The following SYNGR1 variants were observed in gnomAD, a reference collection of about 807,000 sequenced individuals.
The protein encoded by SYNGR1 is synaptogyrin-1.
A neutral mutation model predicts 26.1 loss-of-function variants in SYNGR1; 14 were observed. The ratio of observed to expected loss-of-function variants is 0.54; its 90% CI spans 0.35 to 0.84. The LOEUF is 0.84. Among genes scored for constraint, SYNGR1 ranks in the 40% least tolerant of loss-of-function variants. SYNGR1 has a pLI of 0.01. For missense variants in SYNGR1, 319 were observed against 332.9 expected (o/e 0.96, Z 0.33); for synonymous variants, 141 against 150.1 (o/e 0.94, Z 0.44).
chr22:39,385,290 G>A lies in SYNGR1; in HGVS notation c.*3376G>A, dbSNP rs1423105521. On this transcript the variant is annotated 3_prime_UTR_variant, in exon 4 of 4. Coordinates refer to ENST00000328933, the MANE Select transcript of SYNGR1 (RefSeq NM_004711.5). The stretch of plus-strand genomic sequence containing the variant: ...CCTTGTCGGTGCCCCGGCCCCTCCC[G>A]CAGCGTTACTGCCTGTGTATAGTAT... 7 of 314,598 alleles carry A rather than the reference G, an allele frequency of 2.2e-5. No individual in the cohort carries two copies. Among genetic ancestry groups the A allele is most frequent in the Non-Finnish European group, 4.0e-5 (7 of 173,784 alleles). The allele number at this position is 314,598 out of a possible 1,614,324, so 19.5% of individuals were successfully genotyped here.
At chr22:39,375,969 C>A (rs1171714842) in intron 2 of SYNGR1, 83 bp from the exon 3 acceptor site, 3 of 1,578,272 alleles carry the variant, frequency 1.9e-6, no homozygotes, top group Non-Finnish European at 2.6e-6. Flanking sequence ...TCCCTCTGTT[C>A]CTCGGCTTCC....
chr22:39,367,059 A>G (rs11912074), intron 1 of SYNGR1, among the ~76,000 whole-genome samples: 7,951 of 152,210 alleles, frequency 0.052, 694 homozygotes, highest in African/African-American at 0.18. Context: ...ACTGAGTCAG[A>G]CTTCTGCTCA....
Position 39,384,274 on chromosome 22 carries a change from C to T in SYNGR1, c.*2360C>T. The T allele has an allele frequency of 2.7e-6, 1 of 365,046 alleles. No individual in the cohort carries two copies. Among genetic ancestry groups the T allele is most frequent in the Non-Finnish European group, 4.9e-6 (1 of 204,652 alleles). The allele number at this position is 365,046 out of a possible 1,614,324, so 22.6% of individuals were successfully genotyped here. A position where few individuals can be genotyped will look rare whatever the true frequency, so the allele number is the denominator to read the frequency against. Reference sequence around the variant, plus strand: ...GTGCCAGCCAGCTGCTGGTGATCCTCAGCCGGAGGGCAGGGTACCAGGTAA... The same window carrying T: ...GTGCCAGCCAGCTGCTGGTGATCCTTAGCCGGAGGGCAGGGTACCAGGTAA... On this transcript the variant is annotated 3_prime_UTR_variant, in exon 4 of 4. Coordinates refer to ENST00000328933, the MANE Select transcript of SYNGR1 (RefSeq NM_004711.5).
chr22:39,356,665 A>G (rs1212085454), intron 1 of SYNGR1, among the ~76,000 whole-genome samples: 1 of 152,148 alleles, frequency 6.6e-6, no homozygotes, highest in Non-Finnish European at 1.5e-5. Flanking sequence ...GGAGGGAGCC[A>G]CACTTGGCAC....
chr22:39,382,395 G>A lies in SYNGR1; in HGVS notation c.*481G>A. 1 of 202,424 alleles carries A rather than the reference G, an allele frequency of 4.9e-6. No homozygotes were observed. The highest frequency in any genetic ancestry group is 9.3e-5 in the South Asian group (1 of 10,720). 12.5% of individuals were successfully genotyped at this position (202,424 alleles called of 1,614,324 possible). On this transcript the variant is annotated 3_prime_UTR_variant, in exon 4 of 4. Transcript: ENST00000328933. ...TGAGTGTAAACACCCACAGGACACT[G>A]GGGGCTGTCACCCTGCTCTGGCAGT... is the stretch of plus-strand genomic sequence containing the variant.
chr22:39,368,350 G>A (rs187497779), intron 1 of SYNGR1, among the ~76,000 whole-genome samples: 19 of 152,332 alleles, frequency 1.2e-4, no homozygotes, highest in African/African-American at 4.6e-4. Flanking sequence ...CTGGGATTCA[G>A]TGGGCCCAGG....
At chr22:39,353,840 A>T (rs1199537404) in intron 1 of SYNGR1, among the ~76,000 whole-genome samples, 1 of 152,192 alleles carries the variant, frequency 6.6e-6, no homozygotes, top group African/African-American at 2.4e-5. Context: ...AATGAATATC[A>T]GTGCTGGCAG....
intron 1 of SYNGR1, chr22:39,364,040 C>A: frequency 1.6e-6 from 2 of 1,270,478 alleles, no homozygotes; most frequent in Non-Finnish European, 2.2e-6. Context: ...TCGCCCTGAG[C>A]CTTCGTTAGC....
intron 1 of SYNGR1, among the ~76,000 whole-genome samples, chr22:39,367,839 A>AG (rs1569179478): frequency 1.3e-5 from 2 of 151,600 alleles, no homozygotes; most frequent in African/African-American, 2.4e-5. Flanking sequence ...AAAAAAAAAA[A>AG]AAACAAAGTC....
rs1555944391 is a variant in SYNGR1 at position 39,381,819 on chromosome 22, A to AACG, written c.607_608insACG (p.Thr203delinsAsnAla). On this transcript the variant is annotated protein_altering_variant, in exon 4 of 4. Coordinates refer to ENST00000328933, the MANE Select transcript of SYNGR1 (RefSeq NM_004711.5). ...GCCTTACGCGCCCTACGTGGAGCCC[A>AACG]CTGGGCCGGATCCCGCCGGTATGGG... The AACG allele has an allele frequency of 6.2e-7, 1 of 1,608,696 alleles. No homozygotes were observed.
At chr22:39,376,285 C>A in intron 3 of SYNGR1, 88 bp downstream of exon 3, 1 of 1,603,064 alleles carries the variant, frequency 6.2e-7, no homozygotes, top group South Asian at 1.1e-5. Flanking sequence ...GCCTGGGACC[C>A]GCTCTGCCTC....
Position 39,384,381 on chromosome 22 carries a change from T to TG in SYNGR1, c.*2473dup, listed in dbSNP as rs1601671170. 2.5e-6 allele frequency: 1 copy of TG among 397,300 alleles called. No homozygotes were observed. Among genetic ancestry groups the TG allele is most frequent in the Non-Finnish European group, 4.4e-6 (1 of 225,686 alleles). The allele number at this position is 397,300 out of a possible 1,614,324, so 24.6% of individuals were successfully genotyped here. ...AAGCTGTCAAGACTCCTGCCAGGAA[T>TG]GGGGGGTGCTGAGTCATCTCACGAA... On this transcript the variant is annotated 3_prime_UTR_variant, in exon 4 of 4. Coordinates refer to ENST00000328933, the MANE Select transcript of SYNGR1 (RefSeq NM_004711.5).
In SYNGR1 at chr22:39,350,586, C is replaced by G. The variant is rs1394873615; in HGVS notation, c.99+477C>G. ...GTTGGAGGAGGAGAGGGCCGGGAAC[C>G]GGGTTCGTATTGCCTAGCCCGGCCC... On this transcript the variant is annotated intron_variant, in intron 1 of 3. Transcript: ENST00000328933. The surrounding 1 kb of genome is among the most constrained non-coding windows in gnomAD (Gnocchi z 4.3). 1.3e-5 allele frequency among the ~76,000 whole-genome samples: 2 copies of G among 152,048 alleles called. No individual in the cohort carries two copies. The highest frequency in any genetic ancestry group is 2.9e-5 in the Non-Finnish European group (2 of 67,972).
chr22:39,361,739 C>T (rs1205310185), intron 1 of SYNGR1, among the ~76,000 whole-genome samples: 1 of 152,050 alleles, frequency 6.6e-6, no homozygotes, highest in African/African-American at 2.4e-5. Context: ...ACAGCGCCTA[C>T]CCCAGGAGTC....
In SYNGR1 at chr22:39,374,484, G is replaced by A. The variant is rs376168336; in HGVS notation, c.268G>A (p.Val90Met). 50 of 1,613,864 alleles carry A rather than the reference G, an allele frequency of 3.1e-5. No individual in the cohort carries two copies. Among genetic ancestry groups the A allele is most frequent in the South Asian group, 8.8e-5 (8 of 91,088 alleles). Residue 90 changes from valine (V) to methionine (M), a missense_variant, in exon 2 of 4, where the codon GTG becomes ATG. Physicochemically the swap from Val to Met is conservative, Grantham distance 21 (BLOSUM62 1). Transcript: ENST00000328933. ...LTCLLYLALD[V>M]YFPQISSVKD... The stretch of plus-strand genomic sequence containing the variant: ...CTGCCTGCTGTACCTGGCCCTGGAC[G>A]TGTACTTCCCGCAGATCAGCAGCGT...
In SYNGR1 at chr22:39,374,522, G is replaced by A; in HGVS notation, c.306G>A (p.Lys102=). ...FPQISSVKDR[K]KAVLSDIGVS... is the part of the protein sequence containing the mutation. The stretch of plus-strand genomic sequence containing the variant: ...AGATCAGCAGCGTCAAGGACCGCAA[G>A]AAAGCCGTCCTGTCCGACATCGGTG... The change falls in exon 2 of 4, where the codon AAG becomes AAA. Residue 102 remains lysine, a synonymous_variant. Coordinates refer to ENST00000328933, the MANE Select transcript of SYNGR1 (RefSeq NM_004711.5). 1 of 1,613,664 alleles carries A rather than the reference G, an allele frequency of 6.2e-7. No individual in the cohort carries two copies. Among genetic ancestry groups the A allele is most frequent in the Non-Finnish European group, 8.5e-7 (1 of 1,180,016 alleles).
chr22:39,374,364 A>G lies in SYNGR1; in HGVS notation c.148A>G (p.Asn50Asp), dbSNP rs755842526. 3.1e-6 allele frequency: 5 copies of G among 1,614,006 alleles called. No homozygotes were observed. Among genetic ancestry groups the G allele is most frequent in the Non-Finnish European group, 4.2e-6 (5 of 1,180,002 alleles). ...CTCCATCGTGAACGAGGGCTACCTC[A>G]ACAGCGCCTCCGAGGGGGAGGAGTT... Reference protein sequence around the residue: ...FGSIVNEGYLNSASEGEEFCI... With the variant: ...FGSIVNEGYLDSASEGEEFCI... Residue 50 changes from asparagine to aspartate, a missense_variant, in exon 2 of 4, where the codon AAC becomes GAC. By Grantham distance (23) the Asn-to-Asp change is conservative. Coordinates refer to ENST00000328933, the MANE Select transcript of SYNGR1 (RefSeq NM_004711.5).
chr22:39,376,751 C>T (rs534324798), intron 3 of SYNGR1, among the ~76,000 whole-genome samples: 3 of 151,132 alleles, frequency 2.0e-5, no homozygotes, highest in African/African-American at 5.0e-5. Context: ...GTGACACATG[C>T]GTGCCTATCC....
chr22:39,353,262 A>C (rs1003988202), intron 1 of SYNGR1, among the ~76,000 whole-genome samples: 1 of 152,222 alleles, frequency 6.6e-6, no homozygotes, highest in East Asian at 1.9e-4. Flanking sequence ...GGGCCTCACC[A>C]ACCTGGACCC....
Sources: allele counts gnomAD v4.1 joint callset (sites outside exome capture counted in the v4.1 genomes callset), GRCh38; gene constraint gnomAD v4.1.1; non-coding constraint Gnocchi (gnomAD v3.1); transcripts MANE v1.5; gene names NCBI Gene and HGNC (gene_info 2026-07-23, HGNC 2026-07-21).